Variants in KAZN observed in about 807,000 individuals in gnomAD.
KAZN encodes the protein kazrin.
Under a neutral mutation model 87.4 loss-of-function variants are expected in KAZN, and 40 were observed. That is an observed-to-expected ratio of 0.46 (90% confidence interval 0.36 to 0.60). KAZN has a LOEUF of 0.60. KAZN is among the 20% of genes least tolerant of loss of function. The probability of loss-of-function intolerance (pLI) is 0.00; values close to 1 mark genes in which losing one functional copy is unlikely to be tolerated. For missense variants in KAZN, 898 were observed against 1,073.9 expected, an observed-to-expected ratio of 0.84 and a Z score of 2.29; for synonymous variants, 466 against 458.3, an observed-to-expected ratio of 1.02 and a Z score of -0.22.
At chr1:14,046,724 A>G (rs1642089698) in intron 1 of KAZN, among the ~76,000 whole-genome samples, 1 of 152,164 alleles carries the variant, frequency 6.6e-6, no homozygotes, top group South Asian at 2.1e-4. Flanking sequence ...CCTTACCTGC[A>G]CTCAGTGAGT....
Position 15,066,799 on chromosome 1 carries a change from G to C in KAZN, c.1222+1046G>C, listed in dbSNP as rs10803343. The C allele has an allele frequency of 0.025, 24,306 of 985,258 alleles. 2,935 individuals are homozygous for C. In the African/African-American group the frequency reaches 0.31, roughly 13 times the overall value. 61.0% of individuals were successfully genotyped at this position (985,258 alleles called of 1,614,324 possible). ...GATTTCAAAGCTTGCTTTTTCTGTT[G>C]GTTCTTCTCTCTCCTTCTCTCTCTG... On this transcript the variant is annotated intron_variant, in intron 8 of 14. Coordinates refer to ENST00000376030, the MANE Select transcript of KAZN (RefSeq NM_201628.3). The surrounding 1 kb of genome is among the most constrained non-coding windows in gnomAD (Gnocchi z 4.3).
At chr1:14,794,937 C>G (rs1268928676) in intron 1 of KAZN, among the ~76,000 whole-genome samples, 2 of 152,184 alleles carry the variant, frequency 1.3e-5, no homozygotes, top group Non-Finnish European at 2.9e-5. Context: ...AGTCTTCCAG[C>G]CTCCATCTTT....
intron 1 of KAZN, among the ~76,000 whole-genome samples, chr1:13,998,279 T>C (rs1570485544): frequency 6.6e-6 from 1 of 152,082 alleles, no homozygotes; most frequent in African/African-American, 2.4e-5. Context: ...CACACCAAAA[T>C]ATAAAGACCA....
intron 2 of KAZN, among the ~76,000 whole-genome samples, chr1:14,249,681 G>C (rs1171571645): frequency 6.6e-6 from 1 of 152,284 alleles, no homozygotes; most frequent in East Asian, 1.9e-4. Context: ...CCTGTCTGCT[G>C]TTCCCTCACT....
At chr1:14,284,060 T>C (rs1040257933) in intron 2 of KAZN, among the ~76,000 whole-genome samples, 1 of 148,542 alleles carries the variant, frequency 6.7e-6, no homozygotes, top group Non-Finnish European at 1.5e-5. Flanking sequence ...CAGAAACCCA[T>C]AGATAGAGAA....
At chr1:14,091,925 A>T (rs1199326182) in intron 1 of KAZN, among the ~76,000 whole-genome samples, 1 of 152,164 alleles carries the variant, frequency 6.6e-6, no homozygotes, top group Non-Finnish European at 1.5e-5. Flanking sequence ...GAGCACGCTA[A>T]CAATGTGAAA....
chr1:14,415,073 G>A (rs894394656), intron 2 of KAZN, among the ~76,000 whole-genome samples: 1 of 152,100 alleles, frequency 6.6e-6, no homozygotes, highest in Non-Finnish European at 1.5e-5. Context: ...GGAACACAGA[G>A]GGAGCTTCAA....
At chr1:14,798,499 C>A (rs1179253513) in intron 1 of KAZN, among the ~76,000 whole-genome samples, 2 of 46,944 alleles carry the variant, frequency 4.3e-5, no homozygotes, top group Non-Finnish European at 6.7e-5. Flanking sequence ...CCTATCTCGG[C>A]TCACTGCAAG....
At chr1:14,154,822 C>T (rs1489810877) in intron 1 of KAZN, among the ~76,000 whole-genome samples, 2 of 152,154 alleles carry the variant, frequency 1.3e-5, no homozygotes, top group East Asian at 3.8e-4. Context: ...GTTGAACCAT[C>T]CTTGCATCCC....
intron 1 of KAZN, among the ~76,000 whole-genome samples, chr1:13,982,277 C>G (rs1409631499): frequency 1.3e-5 from 2 of 152,174 alleles, no homozygotes; most frequent in African/African-American, 4.8e-5. Context: ...GTCTCACTGA[C>G]TTCAAGAATG....
intron 1 of KAZN, among the ~76,000 whole-genome samples, chr1:14,860,491 G>C (rs181830330): frequency 2.6e-4 from 40 of 152,236 alleles, no homozygotes; most frequent in African/African-American, 9.6e-4. Flanking sequence ...CACCACGCCC[G>C]GACAGGATAT....
chr1:14,203,095 A>G (rs1421567297), intron 2 of KAZN, among the ~76,000 whole-genome samples: 2 of 152,022 alleles, frequency 1.3e-5, no homozygotes, highest in African/African-American at 2.4e-5. Context: ...GATAAAAAGT[A>G]TGTTGCATTA....
intron 1 of KAZN, among the ~76,000 whole-genome samples, chr1:13,990,662 G>T (rs760585086): frequency 6.6e-6 from 1 of 152,090 alleles, no homozygotes; most frequent in East Asian, 1.9e-4. Context: ...AAGAGTTTTT[G>T]TATTTCATTT....
chr1:14,490,056 G>A (rs1669566074), intron 2 of KAZN, among the ~76,000 whole-genome samples: 2 of 152,156 alleles, frequency 1.3e-5, no homozygotes, highest in South Asian at 4.1e-4. Context: ...AGCCTGAAGA[G>A]GAAGGCACAT....
At chr1:14,585,766 G>C (rs1675815911) in intron 2 of KAZN, among the ~76,000 whole-genome samples, 1 of 152,222 alleles carries the variant, frequency 6.6e-6, no homozygotes. Flanking sequence ...GGAATGAGGA[G>C]AGGGTGCCGA....
At chr1:14,747,438 G>T (rs980848328) in intron 1 of KAZN, among the ~76,000 whole-genome samples, 1 of 152,078 alleles carries the variant, frequency 6.6e-6, no homozygotes, top group Non-Finnish European at 1.5e-5. Context: ...CACCATGCCT[G>T]CCTAGTTTTT....
At chr1:14,459,271 G>A (rs914102953) in intron 2 of KAZN, among the ~76,000 whole-genome samples, 4 of 152,086 alleles carry the variant, frequency 2.6e-5, no homozygotes, top group Admixed American at 6.5e-5. Context: ...GTGTGTGTGT[G>A]TGTGTGTGTG....
At chr1:14,733,884 C>T (rs1321505844) in intron 1 of KAZN, among the ~76,000 whole-genome samples, 1 of 152,160 alleles carries the variant, frequency 6.6e-6, no homozygotes, top group Non-Finnish European at 1.5e-5. Context: ...GATCTCCCTC[C>T]TTGCCCAATC....
At chr1:13,955,904 C>T (rs1641527015) in intron 1 of KAZN, among the ~76,000 whole-genome samples, 2 of 152,140 alleles carry the variant, frequency 1.3e-5, no homozygotes, top group African/African-American at 4.8e-5. Flanking sequence ...CAGAGGGTTA[C>T]AGCCTGCGGC....
Sources: allele counts gnomAD v4.1 joint callset (sites outside exome capture counted in the v4.1 genomes callset), GRCh38; gene constraint gnomAD v4.1.1; non-coding constraint Gnocchi (gnomAD v3.1); transcripts MANE v1.5; gene names NCBI Gene and HGNC (gene_info 2026-07-23, HGNC 2026-07-21).